The following RIMS2 variants were observed in gnomAD, a reference collection of about 807,000 sequenced individuals.
RIMS2 encodes regulating synaptic membrane exocytosis 2.
In RIMS2, 59 loss-of-function variants were observed where a neutral mutation model predicts 174.4. The ratio of observed to expected loss-of-function variants is 0.34; its 90% CI spans 0.27 to 0.42. The LOEUF (loss-of-function observed/expected upper bound fraction) is 0.42. Ranked by LOEUF, RIMS2 falls within the 10% of genes least tolerant of loss-of-function variation. The pLI is 1.00. For missense variants in RIMS2, 1,620 were observed against 1,666.3 expected, an observed-to-expected ratio of 0.97 and a Z score of 0.48; for synonymous variants, 606 against 572.5, an observed-to-expected ratio of 1.06 and a Z score of -0.84.
At chr8:104,120,734 A>T (rs887681046) in intron 19 of RIMS2, among the ~76,000 whole-genome samples, 2 of 152,186 alleles carry the variant, frequency 1.3e-5, no homozygotes, top group African/African-American at 4.8e-5. Context: ...ATAAATTAAG[A>T]TACAAAGAAG....
At chr8:103,764,085 T>C (rs553166410) in intron 2 of RIMS2, among the ~76,000 whole-genome samples, 1 of 152,366 alleles carries the variant, frequency 6.6e-6, no homozygotes, top group South Asian at 2.1e-4. Flanking sequence ...CTGGTGATAC[T>C]GATGCTATTC....
chr8:104,142,245 A>G (rs140596839), intron 19 of RIMS2, among the ~76,000 whole-genome samples: 48 of 151,102 alleles, frequency 3.2e-4, no homozygotes, highest in African/African-American at 1.2e-3. Flanking sequence ...CTCCTGCCTC[A>G]ACCTCCTGAA....
At chr8:103,637,395 G>A (rs539718491) in intron 1 of RIMS2, among the ~76,000 whole-genome samples, 1 of 152,248 alleles carries the variant, frequency 6.6e-6, no homozygotes, top group Admixed American at 6.5e-5. Context: ...TTTGTTATCA[G>A]AGTAATAATG....
chr8:103,556,392 C>G (rs1463797818), intron 1 of RIMS2, among the ~76,000 whole-genome samples: 1 of 152,042 alleles, frequency 6.6e-6, no homozygotes, highest in Non-Finnish European at 1.5e-5. Flanking sequence ...AAATGACATA[C>G]TTTCTCAAGT....
chr8:104,180,405 T>C (rs1374460042), intron 19 of RIMS2, among the ~76,000 whole-genome samples: 1 of 151,392 alleles, frequency 6.6e-6, no homozygotes, highest in African/African-American at 2.4e-5. Context: ...CAAATTTTCA[T>C]TTTCATTTTT....
At chr8:104,154,086 A>G (rs187866684) in intron 19 of RIMS2, among the ~76,000 whole-genome samples, 1 of 152,360 alleles carries the variant, frequency 6.6e-6, no homozygotes, top group Non-Finnish European at 1.5e-5. Context: ...TCACAGTTCA[A>G]AGCATTTACA....
At chr8:104,093,115 C>T (rs1341423922) in intron 19 of RIMS2, among the ~76,000 whole-genome samples, 1 of 151,914 alleles carries the variant, frequency 6.6e-6, no homozygotes, top group African/African-American at 2.4e-5. Context: ...TTGATGGCTA[C>T]TAGAATTTAT....
intron 19 of RIMS2, among the ~76,000 whole-genome samples, chr8:104,199,154 A>C (rs1469541478): frequency 1.3e-5 from 2 of 151,994 alleles, no homozygotes; most frequent in African/African-American, 4.8e-5. Context: ...CTCCGCTTCC[A>C]GGGTTCACAC....
chr8:104,035,237 A>G (rs1444748918), intron 19 of RIMS2, among the ~76,000 whole-genome samples: 2 of 148,058 alleles, frequency 1.4e-5, no homozygotes, highest in East Asian at 3.9e-4. Context: ...CTTGTATCTT[A>G]TATGGAAAAT....
At chr8:103,881,882 G>C (rs7839328) in intron 3 of RIMS2, among the ~76,000 whole-genome samples, 20,107 of 151,296 alleles carry the variant, frequency 0.13, 1,828 homozygotes, top group Non-Finnish European at 0.2. Context: ...AATATAAAGT[G>C]AATATAAATA....
intron 2 of RIMS2, among the ~76,000 whole-genome samples, chr8:103,734,475 G>A (rs537274551): frequency 2.9e-4 from 42 of 145,482 alleles, no homozygotes; most frequent in African/African-American, 9.9e-4. Context: ...TTTTTTTTTA[G>A]CACTTTAAAC....
intron 19 of RIMS2, among the ~76,000 whole-genome samples, chr8:104,089,413 A>G (rs2097593377): frequency 6.6e-6 from 1 of 151,758 alleles, no homozygotes; most frequent in African/African-American, 2.4e-5. Context: ...TTAAATGTTG[A>G]CTGTAGTATT....
chr8:103,687,366 ATT>A (rs36052983), intron 1 of RIMS2, among the ~76,000 whole-genome samples: 1 of 148,076 alleles, frequency 6.8e-6, no homozygotes, highest in Non-Finnish European at 1.5e-5. Context: ...AATTTTAGTG[ATT>A]TTTTTTTTCT....
intron 10 of RIMS2, among the ~76,000 whole-genome samples, chr8:103,923,211 G>A (rs79600720): frequency 0.01 from 1,545 of 151,532 alleles, 19 homozygotes; most frequent in South Asian, 0.046. Context: ...TCAATAGTTC[G>A]TCCTTAAATA....
intron 2 of RIMS2, among the ~76,000 whole-genome samples, chr8:103,764,643 C>A (rs1013012756): frequency 6.6e-6 from 1 of 151,894 alleles, no homozygotes. Flanking sequence ...GTTTTCACAT[C>A]AAAATACTTA....
Position 103,652,358 on chromosome 8 carries a change from G to C in RIMS2, c.177-44728G>C, listed in dbSNP as rs865928759. 1.6e-5 allele frequency: 9 copies of C among 553,742 alleles called. 1 individual carries two copies. The highest frequency in any genetic ancestry group is 3.2e-4 in the Middle Eastern group (1 of 3,106). The allele number at this position is 553,742 out of a possible 1,614,324, so 34.3% of individuals were successfully genotyped here. A position where few individuals can be genotyped will look rare whatever the true frequency, so the allele number is the denominator to read the frequency against. Reference sequence around the variant, plus strand: ...GCAGCTAGTGTGTCTTCTGCTTTCTGACTCTCTGGCTTGTAAGAGAGCTGC... The same window carrying C: ...GCAGCTAGTGTGTCTTCTGCTTTCTCACTCTCTGGCTTGTAAGAGAGCTGC... On this transcript the variant is annotated intron_variant, in intron 1 of 23. Transcript: ENST00000504942.
chr8:104,164,186 A>AGAG (rs150992395), intron 19 of RIMS2, among the ~76,000 whole-genome samples: 1 of 6,852 alleles, frequency 1.5e-4, no homozygotes, highest in East Asian at 0.071. Context: ...TCCTGGAATT[A>AGAG]TCTTTCCTGT....
chr8:104,043,315 A>G (rs964257698), intron 19 of RIMS2, among the ~76,000 whole-genome samples: 1 of 151,646 alleles, frequency 6.6e-6, no homozygotes, highest in African/African-American at 2.4e-5. Flanking sequence ...ATCCTGAAGA[A>G]TGGTTATAGT....
At chr8:103,618,089 A>T (rs1337361541) in intron 1 of RIMS2, among the ~76,000 whole-genome samples, 2 of 152,176 alleles carry the variant, frequency 1.3e-5, no homozygotes, top group Admixed American at 1.3e-4. Context: ...AATCAACCTG[A>T]ATGCCCATCA....
Sources: gnomAD v4.1 joint callset for allele counts (sites outside exome capture counted in the v4.1 genomes callset) on GRCh38, gnomAD v4.1.1 for gene constraint, MANE v1.5 for transcripts, NCBI Gene and HGNC (gene_info 2026-07-23, HGNC 2026-07-21) for gene names.